Variants in AAK1 observed in about 807,000 individuals in gnomAD.
AAK1 encodes the protein AP2-associated protein kinase 1.
Under a neutral mutation model 116.0 loss-of-function variants are expected in AAK1, and 37 were observed. The ratio of observed to expected loss-of-function variants is 0.32; its 90% confidence interval spans 0.25 to 0.42. AAK1 has a LOEUF of 0.42. AAK1 is among the 10% of genes least tolerant of loss of function. The pLI, the probability that AAK1 is intolerant of heterozygous loss-of-function variation, is 1.00. For missense variants in AAK1, 919 were observed against 1,170.6 expected, an observed-to-expected ratio of 0.79 and a Z score of 3.14; for synonymous variants, 458 against 439.9, an observed-to-expected ratio of 1.04 and a Z score of -0.51.
chr2:69,468,138 G>A lies in AAK1; in HGVS notation c.*7731C>T, dbSNP rs965727574. On this transcript the variant is annotated 3_prime_UTR_variant, in exon 22 of 22. Transcript: ENST00000409085. The stretch of plus-strand genomic sequence containing the variant: ...TTTTGAAAAGAATAAATTTTTCCTT[G>A]TATTATAATTTTAGTATGTGCAGCT... 11 of 985,026 alleles carry A rather than the reference G, an allele frequency of 1.1e-5. No homozygotes were observed. In the African/African-American group the frequency reaches 1.9e-4, roughly 17 times the overall value. The allele number at this position is 985,026 out of a possible 1,614,324, so 61.0% of individuals were successfully genotyped here.
At chr2:69,580,847 C>G (rs977467713) in intron 2 of AAK1, among the ~76,000 whole-genome samples, 6 of 152,140 alleles carry the variant, frequency 3.9e-5, no homozygotes, top group Non-Finnish European at 5.9e-5. Context: ...ATTCTTTGAG[C>G]AGAGTATGTG....
At position 69,544,256 on chromosome 2, in the gene AAK1, C is replaced by T. The variant is rs374574977; in HGVS notation, c.391+180G>A. 1.4e-5 allele frequency: 8 copies of T among 572,076 alleles called. 1 individual carries two copies. Among genetic ancestry groups the T allele is most frequent in the South Asian group, 4.8e-5 (2 of 41,516 alleles). 35.4% of individuals were successfully genotyped at this position (572,076 alleles called of 1,614,324 possible). A position where few individuals can be genotyped will look rare whatever the true frequency, so the allele number is the denominator to read the frequency against. Reference sequence around the variant, plus strand: ...CAAAAATGGAGTTCTATATTATCTACGTTTGTACCGTTATAAGAATAACTA... The same window carrying T: ...CAAAAATGGAGTTCTATATTATCTATGTTTGTACCGTTATAAGAATAACTA... On this transcript the variant is annotated intron_variant, in intron 4 of 21. Coordinates refer to ENST00000409085, the MANE Select transcript of AAK1 (RefSeq NM_014911.5).
chr2:69,557,211 G>A (rs1671419567), intron 2 of AAK1, among the ~76,000 whole-genome samples: 1 of 151,784 alleles, frequency 6.6e-6, no homozygotes, highest in South Asian at 2.1e-4. Flanking sequence ...ACCTATCTTA[G>A]GATAACAAAA....
intron 2 of AAK1, among the ~76,000 whole-genome samples, chr2:69,610,666 C>T (rs1674036765): frequency 6.6e-6 from 1 of 151,966 alleles, no homozygotes; most frequent in Non-Finnish European, 1.5e-5. Flanking sequence ...CAATAACAGC[C>T]CTATTAGAAA....
At chr2:69,603,960 A>G (rs1673689076) in intron 2 of AAK1, among the ~76,000 whole-genome samples, 1 of 152,208 alleles carries the variant, frequency 6.6e-6, no homozygotes, top group South Asian at 2.1e-4. Context: ...TTCCGATAAT[A>G]AGAGATATAG....
chr2:69,539,963 G>A (rs1245961693), intron 5 of AAK1, among the ~76,000 whole-genome samples: 7 of 152,042 alleles, frequency 4.6e-5, no homozygotes, highest in African/African-American at 1.7e-4. Context: ...TCTGTTTCAA[G>A]TCTAAATATT....
At chr2:69,477,578 A>C (rs900557286) in intron 20 of AAK1, among the ~76,000 whole-genome samples, 2 of 151,504 alleles carry the variant, frequency 1.3e-5, no homozygotes, top group Admixed American at 6.6e-5. Context: ...AGTTTGTTAG[A>C]ATAGTCTTCT....
intron 3 of AAK1, among the ~76,000 whole-genome samples, chr2:69,550,861 C>A (rs4386351): frequency 0.021 from 3,136 of 152,170 alleles, 111 homozygotes; most frequent in African/African-American, 0.071. Context: ...AATGATCCAC[C>A]CTCCTCGGCC....
chr2:69,578,192 T>C (rs1304507894), intron 2 of AAK1, among the ~76,000 whole-genome samples: 4 of 152,166 alleles, frequency 2.6e-5, no homozygotes, highest in Non-Finnish European at 1.5e-5. Flanking sequence ...CCCGATAGGG[T>C]TACATTAGTA....
At chr2:69,608,025 C>A (rs1270903440) in intron 2 of AAK1, among the ~76,000 whole-genome samples, 2 of 152,190 alleles carry the variant, frequency 1.3e-5, no homozygotes, top group Non-Finnish European at 2.9e-5. Context: ...GGAAGGATGC[C>A]ATCCAACCTG....
At chr2:69,614,465 T>C (rs1355129612) in intron 2 of AAK1, among the ~76,000 whole-genome samples, 2 of 151,672 alleles carry the variant, frequency 1.3e-5, no homozygotes, top group South Asian at 2.1e-4. Flanking sequence ...TTCCCGAGAG[T>C]GGCAGCAACA....
At chr2:69,567,825 A>T (rs1258336249) in intron 2 of AAK1, among the ~76,000 whole-genome samples, 1 of 152,218 alleles carries the variant, frequency 6.6e-6, no homozygotes, top group African/African-American at 2.4e-5. Context: ...TGTCACAATA[A>T]TAAATACTTG....
intron 2 of AAK1, among the ~76,000 whole-genome samples, chr2:69,606,194 G>GT (rs1469004211): frequency 2.0e-5 from 3 of 152,272 alleles, no homozygotes; most frequent in Admixed American, 6.5e-5. Flanking sequence ...CCAAGCAACT[G>GT]TTTTTTCTCA....
intron 2 of AAK1, among the ~76,000 whole-genome samples, chr2:69,602,295 C>G (rs1673614512): frequency 6.6e-6 from 1 of 152,064 alleles, no homozygotes; most frequent in Non-Finnish European, 1.5e-5. Context: ...TTAGTAAAAT[C>G]TGAATAAACA....
chr2:69,568,646 G>C (rs1214188076), intron 2 of AAK1, among the ~76,000 whole-genome samples: 1 of 151,882 alleles, frequency 6.6e-6, no homozygotes, highest in African/African-American at 2.4e-5. Context: ...GCCCAGGCTT[G>C]TTTTCAACTC....
chr2:69,470,002 A>T lies in AAK1; in HGVS notation c.*5867T>A. 3 of 985,414 alleles carry T rather than the reference A, an allele frequency of 3.0e-6. No homozygotes were observed. Among genetic ancestry groups the T allele is most frequent in the Non-Finnish European group, 3.6e-6 (3 of 829,928 alleles). 61.0% of individuals were successfully genotyped at this position (985,414 alleles called of 1,614,324 possible). A position where few individuals can be genotyped will look rare whatever the true frequency, so the allele number is the denominator to read the frequency against. ...TCCCTATTCACTTCCAAAGCAACCC[A>T]AAGTGCTGAATCATTTAGGATGGGT... On this transcript the variant is annotated 3_prime_UTR_variant, in exon 22 of 22. Transcript: ENST00000409085.
In AAK1 at chr2:69,643,085, ATTTTTTTTTTTT is replaced by A. The variant is rs4067981; in HGVS notation, c.-57_-46del. 3.2e-6 allele frequency: 4 copies of A among 1,265,118 alleles called. No individual in the cohort carries two copies. The African/African-American group carries it at 6.0e-5, about 19-fold the overall frequency. The allele number at this position is 1,265,118 out of a possible 1,614,324, so 78.4% of individuals were successfully genotyped here. On this transcript the variant is annotated 5_prime_UTR_variant, in exon 2 of 22. Coordinates refer to ENST00000409085, the MANE Select transcript of AAK1 (RefSeq NM_014911.5). ...AAAGCAAAATACCGATGGTTTCTAG[ATTTTTTTTTTTT>A]TTTTTTTTTTTTAAGAAAAGAGATC... is the stretch of plus-strand genomic sequence containing the variant.
chr2:69,575,953 G>A (rs1016995470), intron 2 of AAK1, among the ~76,000 whole-genome samples: 2 of 152,082 alleles, frequency 1.3e-5, no homozygotes, highest in Admixed American at 6.6e-5. Context: ...AATCCTGATG[G>A]GCTAATTTCC....
intron 2 of AAK1, among the ~76,000 whole-genome samples, chr2:69,593,041 A>G (rs1673103194): frequency 6.6e-6 from 1 of 152,254 alleles, no homozygotes; most frequent in African/African-American, 2.4e-5. Flanking sequence ...ATTAAAGACT[A>G]AATTACATAA....
Sources: gnomAD v4.1 joint callset for allele counts (sites outside exome capture counted in the v4.1 genomes callset) on GRCh38, gnomAD v4.1.1 for gene constraint, MANE v1.5 for transcripts, NCBI Gene and HGNC (gene_info 2026-07-23, HGNC 2026-07-21) for gene names.